The following PRH1 variants were observed in gnomAD, a reference collection of about 807,000 sequenced individuals.
PRH1 encodes salivary acidic proline-rich phosphoprotein 1/2.
A neutral mutation model predicts 7.9 loss-of-function variants in PRH1; 7 were observed. That is an observed-to-expected ratio of 0.89 (90% CI 0.50 to 1.67). The LOEUF is 1.67. PRH1 is among the 40% of genes most tolerant of loss of function. The pLI is 0.00. For synonymous variants in PRH1, 45 were observed against 80.8 expected (o/e 0.56, Z 2.38); for missense variants, 109 against 223.6 (o/e 0.49, Z 3.27).
chr12:11,013,251 T>C (rs1284047446), intron 1 of PRH1, among the ~76,000 whole-genome samples: 2 of 152,090 alleles, frequency 1.3e-5, no homozygotes, highest in Non-Finnish European at 2.9e-5. Context: ...GGCATTACAG[T>C]AGACAAAAGA....
At chr12:10,934,661 T>C (rs1283398356) in intron 2 of PRH1, among the ~76,000 whole-genome samples, 2 of 152,034 alleles carry the variant, frequency 1.3e-5, no homozygotes, top group East Asian at 3.9e-4. Context: ...TAGAAAGCAC[T>C]AAGGTGTACT....
At chr12:10,913,219 C>T (rs758818793) in intron 2 of PRH1, among the ~76,000 whole-genome samples, 7 of 152,076 alleles carry the variant, frequency 4.6e-5, no homozygotes, top group Admixed American at 3.3e-4. Context: ...TTTGGGAGGC[C>T]GAGGCGGGTG....
chr12:10,892,809 C>A (rs569903641), intron 2 of PRH1, among the ~76,000 whole-genome samples: 1 of 152,048 alleles, frequency 6.6e-6, no homozygotes, highest in Non-Finnish European at 1.5e-5. Context: ...GAATTTTTCA[C>A]CCACAAATTA....
chr12:10,918,852 A>T (rs1950008386), intron 2 of PRH1, among the ~76,000 whole-genome samples: 1 of 152,162 alleles, frequency 6.6e-6, no homozygotes, highest in Admixed American at 6.5e-5. Context: ...TATCTTTTTT[A>T]TAAAACAGTA....
chr12:10,982,690 C>T (rs1484868993), intron 1 of PRH1, among the ~76,000 whole-genome samples: 2 of 152,042 alleles, frequency 1.3e-5, no homozygotes, highest in Admixed American at 6.5e-5. Flanking sequence ...CAGGAAGTGG[C>T]AAGTTCCTTA....
At chr12:11,019,022 C>A (rs1157896103) in intron 1 of PRH1, among the ~76,000 whole-genome samples, 2 of 152,260 alleles carry the variant, frequency 1.3e-5, no homozygotes, top group Non-Finnish European at 2.9e-5. Context: ...AAAAAACTAT[C>A]TCTTAGAAAA....
chr12:11,126,180 A>T (rs182431526), intron 1 of PRH1, among the ~76,000 whole-genome samples: 1 of 152,394 alleles, frequency 6.6e-6, no homozygotes, highest in Non-Finnish European at 1.5e-5. Context: ...AGCAATCCAG[A>T]CACTCCCCAT....
At chr12:11,142,892 C>G (rs1946745251) in intron 1 of PRH1, among the ~76,000 whole-genome samples, 1 of 151,952 alleles carries the variant, frequency 6.6e-6, no homozygotes, top group South Asian at 2.1e-4. Flanking sequence ...TTTTCCAAAC[C>G]AACAAAAGCT....
intron 2 of PRH1, chr12:10,938,046 T>A (rs1289352250): frequency 1.8e-5 from 8 of 444,938 alleles, no homozygotes; most frequent in South Asian, 1.7e-4. Context: ...TCTGTTTGTA[T>A]AAGAACTCTT....
intron 1 of PRH1, among the ~76,000 whole-genome samples, chr12:10,987,364 G>C (rs760092076): frequency 6.6e-6 from 1 of 151,884 alleles, no homozygotes; most frequent in Admixed American, 6.6e-5. Flanking sequence ...CCACCATAAC[G>C]GATTTACTAT....
chr12:10,986,998 C>T, intron 1 of PRH1: 2 of 555,448 alleles, frequency 3.6e-6, no homozygotes, highest in East Asian at 3.1e-5. Flanking sequence ...AACACTGTGA[C>T]CAGTGTCAAA....
chr12:11,001,942 A>G (rs1235437677), intron 1 of PRH1, among the ~76,000 whole-genome samples: 1 of 152,150 alleles, frequency 6.6e-6, no homozygotes, highest in Non-Finnish European at 1.5e-5. Flanking sequence ...TTGATCATGA[A>G]GTGGCTTATT....
intron 1 of PRH1, among the ~76,000 whole-genome samples, chr12:11,013,649 T>C (rs777930706): frequency 5.3e-5 from 8 of 152,158 alleles, no homozygotes; most frequent in Non-Finnish European, 7.4e-5. Context: ...AAAATTACTA[T>C]TTTAAATAAA....
chr12:11,014,393 A>G (rs967421359), intron 1 of PRH1, among the ~76,000 whole-genome samples: 1 of 152,212 alleles, frequency 6.6e-6, no homozygotes, highest in Non-Finnish European at 1.5e-5. Context: ...AGCATGCAAC[A>G]TGATGACTAA....
chr12:10,928,553 T>TA (rs1950155419), intron 2 of PRH1, among the ~76,000 whole-genome samples: 1 of 152,212 alleles, frequency 6.6e-6, no homozygotes. Context: ...TTTTTTAAAA[T>TA]ACAAATTTTT....
At chr12:11,099,108 T>A (rs1945150673) in intron 1 of PRH1, among the ~76,000 whole-genome samples, 2 of 152,206 alleles carry the variant, frequency 1.3e-5, no homozygotes, top group South Asian at 4.1e-4. Context: ...TGGTATATCA[T>A]CTTGCAGTAT....
chr12:10,948,208 T>A (rs1950517285), intron 2 of PRH1, among the ~76,000 whole-genome samples: 1 of 152,246 alleles, frequency 6.6e-6, no homozygotes, highest in African/African-American at 2.4e-5. Context: ...TGAATGATAT[T>A]CTGAAATATA....
At chr12:11,113,811 T>TTA (rs1295847892) in intron 1 of PRH1, among the ~76,000 whole-genome samples, 1 of 150,184 alleles carries the variant, frequency 6.7e-6, no homozygotes, top group Admixed American at 6.6e-5. Flanking sequence ...TTGCAATCTA[T>TTA]TAAACAAACA....
intron 1 of PRH1, among the ~76,000 whole-genome samples, chr12:11,076,321 T>G (rs1343730412): frequency 6.7e-6 from 1 of 150,132 alleles, no homozygotes; most frequent in African/African-American, 2.4e-5. Context: ...CATCAATATA[T>G]AGATTTCACA....
Sources: gnomAD v4.1 joint callset for allele counts (sites outside exome capture counted in the v4.1 genomes callset) on GRCh38, gnomAD v4.1.1 for gene constraint, MANE v1.5 for transcripts, NCBI Gene and HGNC (gene_info 2026-07-23, HGNC 2026-07-21) for gene names.